Variants in KIAA1328 observed in about 807,000 individuals in gnomAD.
KIAA1328 encodes protein hinderin.
Under a neutral mutation model 68.1 loss-of-function variants are expected in KIAA1328, and 52 were observed. The observed-to-expected ratio is 0.76, with a 90% CI of 0.61 to 0.96. The LOEUF (loss-of-function observed/expected upper bound fraction) is 0.96. Ranked by LOEUF, KIAA1328 falls within the 40% of genes least tolerant of loss-of-function variation. The probability of loss-of-function intolerance (pLI) is 0.00; values close to 1 mark genes in which losing one functional copy is unlikely to be tolerated. For synonymous variants in KIAA1328, 232 were observed against 239.4 expected, an observed-to-expected ratio of 0.97 and a Z score of 0.28; for missense variants, 641 against 677.6, an observed-to-expected ratio of 0.95 and a Z score of 0.60.
chr18:37,169,208 C>T (rs1320599272), intron 8 of KIAA1328, among the ~76,000 whole-genome samples: 5 of 150,760 alleles, frequency 3.3e-5, no homozygotes, highest in African/African-American at 4.9e-5. Context: ...CACTGTCGCC[C>T]GGGCTGGAGT....
chr18:36,970,831 C>T (rs2052170250), intron 6 of KIAA1328, among the ~76,000 whole-genome samples: 1 of 152,200 alleles, frequency 6.6e-6, no homozygotes, highest in South Asian at 2.1e-4. Context: ...ACATTCCATA[C>T]TCATGGATGG....
intron 4 of KIAA1328, among the ~76,000 whole-genome samples, chr18:36,880,928 T>TTAG (rs1237129477): frequency 6.6e-6 from 1 of 152,228 alleles, no homozygotes; most frequent in Non-Finnish European, 1.5e-5. Context: ...TAAACCCACG[T>TTAG]TAGACATATT....
chr18:36,988,432 C>G (rs2053034024), intron 6 of KIAA1328, among the ~76,000 whole-genome samples: 1 of 152,178 alleles, frequency 6.6e-6, no homozygotes. Context: ...TAAACAGACA[C>G]CTGTCATCGT....
chr18:37,154,357 G>A (rs966150492), intron 7 of KIAA1328, among the ~76,000 whole-genome samples: 6 of 152,170 alleles, frequency 3.9e-5, no homozygotes, highest in Non-Finnish European at 8.8e-5. Context: ...ACTTCTATTA[G>A]AGGCCATTCT....
chr18:36,891,438 T>C (rs2048682837), intron 5 of KIAA1328, among the ~76,000 whole-genome samples: 1 of 152,208 alleles, frequency 6.6e-6, no homozygotes, highest in Admixed American at 6.5e-5. Context: ...GTATGTAGTC[T>C]TTTATCCCTC....
At chr18:37,040,965 TAAA>T (rs1214202434) in intron 6 of KIAA1328, among the ~76,000 whole-genome samples, 1 of 151,732 alleles carries the variant, frequency 6.6e-6, no homozygotes, top group Non-Finnish European at 1.5e-5. Context: ...TTTTTAATTT[TAAA>T]AAAATTAAAA....
Position 37,175,451 on chromosome 18 carries a change from A to C in KIAA1328, c.1523+2370A>C, listed in dbSNP as rs567823797. 3.9e-5 allele frequency among the ~76,000 whole-genome samples: 6 copies of C among 152,348 alleles called. No individual in the cohort carries two copies. The South Asian group carries it at 1.2e-3, about 32-fold the overall frequency. On this transcript the variant is annotated intron_variant, in intron 9 of 9. Coordinates refer to ENST00000280020, the MANE Select transcript of KIAA1328 (RefSeq NM_020776.3). The stretch of plus-strand genomic sequence containing the variant: ...AAAGGATTATCTATTTGTCCTTAAT[A>C]CTGCAGATCAGCTAAATATAGATTC...
At chr18:37,084,339 A>C (rs1024294106) in intron 7 of KIAA1328, 1 of 468,390 alleles carries the variant, frequency 2.1e-6, no homozygotes. Context: ...TTTTGTGACC[A>C]TATGAATACG....
At chr18:37,081,875 T>A (rs1305070987) in intron 7 of KIAA1328, among the ~76,000 whole-genome samples, 1 of 152,184 alleles carries the variant, frequency 6.6e-6, no homozygotes, top group African/African-American at 2.4e-5. Context: ...ACTAAAAATT[T>A]CTGGGTCTGG....
chr18:37,055,880 A>G (rs1028441631), intron 6 of KIAA1328, among the ~76,000 whole-genome samples: 1 of 152,226 alleles, frequency 6.6e-6, no homozygotes, highest in African/African-American at 2.4e-5. Context: ...ATTATTTATC[A>G]TTAGAGAATG....
At chr18:36,961,560 C>G (rs776314258) in intron 6 of KIAA1328, among the ~76,000 whole-genome samples, 14 of 152,118 alleles carry the variant, frequency 9.2e-5, no homozygotes, top group Non-Finnish European at 1.6e-4. Context: ...TAAGGGCAGC[C>G]AGAGAGAAAG....
chr18:36,856,533 T>C (rs1019107341), intron 4 of KIAA1328, among the ~76,000 whole-genome samples: 2 of 151,938 alleles, frequency 1.3e-5, no homozygotes, highest in African/African-American at 4.8e-5. Context: ...TTTACAATTT[T>C]GTTCTCTTTA....
intron 7 of KIAA1328, among the ~76,000 whole-genome samples, chr18:37,127,414 G>C (rs2058419143): frequency 4.6e-5 from 7 of 152,038 alleles, no homozygotes; most frequent in Admixed American, 4.6e-4. Context: ...GTGCTGAGGT[G>C]AAGGAAACCC....
chr18:36,994,498 C>A lies in KIAA1328; in HGVS notation c.576+35063C>A, dbSNP rs369487399. On this transcript the variant is annotated intron_variant, in intron 6 of 9. Transcript: ENST00000280020. Reference sequence around the variant, plus strand: ...TCCCTCGGTGATCCTGATGTGAACCCTAGGTGAGAACCACTCATCTCATCC... The same window carrying A: ...TCCCTCGGTGATCCTGATGTGAACCATAGGTGAGAACCACTCATCTCATCC... Among the ~76,000 whole-genome samples, 4 of 152,064 alleles carry A rather than the reference C, an allele frequency of 2.6e-5. No individual in the cohort carries two copies. The East Asian group carries it at 7.7e-4, about 29-fold the overall frequency.
At chr18:37,077,772 G>A (rs1403783518) in intron 7 of KIAA1328, among the ~76,000 whole-genome samples, 7 of 147,830 alleles carry the variant, frequency 4.7e-5, no homozygotes, top group Admixed American at 4.7e-4. Flanking sequence ...AACTTACAAG[G>A]GATGTGAAGG....
chr18:37,223,045 T>TCGGGGGG lies in KIAA1328; in HGVS notation c.*819_*820insGGGGGGC. The TCGGGGGG allele has an allele frequency of 1.0e-6, 1 of 974,258 alleles. No homozygotes were observed. The highest frequency in any genetic ancestry group is 1.2e-6 in the Non-Finnish European group (1 of 825,510). The allele number at this position is 974,258 out of a possible 1,614,324, so 60.4% of individuals were successfully genotyped here. A position where few individuals can be genotyped will look rare whatever the true frequency, so the allele number is the denominator to read the frequency against. ...TTATTTACCCAAGTGTTCAGCTTAT[T>TCGGGGGG]CACCCCACCCCCCCACCCCCCATCA... is the stretch of plus-strand genomic sequence containing the variant. On this transcript the variant is annotated 3_prime_UTR_variant, in exon 10 of 10. Coordinates refer to ENST00000280020, the MANE Select transcript of KIAA1328 (RefSeq NM_020776.3).
chr18:36,837,529 A>G (rs936001095), intron 3 of KIAA1328, among the ~76,000 whole-genome samples: 4 of 152,028 alleles, frequency 2.6e-5, no homozygotes, highest in Non-Finnish European at 2.9e-5. Context: ...TTCTCATTCT[A>G]TGCATTGCCT....
intron 7 of KIAA1328, among the ~76,000 whole-genome samples, chr18:37,101,642 A>G (rs1015725936): frequency 1.3e-5 from 2 of 152,194 alleles, no homozygotes; most frequent in Admixed American, 6.5e-5. Context: ...GCAGGCCAAC[A>G]TTCAAATTCA....
chr18:36,913,608 A>T (rs1394266906), intron 5 of KIAA1328, among the ~76,000 whole-genome samples: 1 of 150,604 alleles, frequency 6.6e-6, no homozygotes, highest in Non-Finnish European at 1.5e-5. Context: ...ACCTTGGACT[A>T]ATAGTCATCC....
Sources: allele counts gnomAD v4.1 joint callset (sites outside exome capture counted in the v4.1 genomes callset), GRCh38; gene constraint gnomAD v4.1.1; transcripts MANE v1.5; gene names NCBI Gene and HGNC (gene_info 2026-07-23, HGNC 2026-07-21).